Variants in GLRA3 observed in about 807,000 individuals in gnomAD.
The protein encoded by GLRA3 is glycine receptor alpha 3.
A neutral mutation model predicts 60.4 loss-of-function variants in GLRA3; 44 were observed. That is an observed-to-expected ratio of 0.73 (90% CI 0.57 to 0.94). The LOEUF (loss-of-function observed/expected upper bound fraction) is 0.94. Among genes scored for constraint, GLRA3 ranks in the 40% least tolerant of loss-of-function variants. The pLI, the probability that GLRA3 is intolerant of heterozygous loss-of-function variation, is 0.00. For synonymous variants in GLRA3, 223 were observed against 192.9 expected (o/e 1.16, Z -1.29); for missense variants, 508 against 564.6 (o/e 0.90, Z 1.02).
At chr4:174,813,111 A>G (rs1258194663) in intron 1 of GLRA3, among the ~76,000 whole-genome samples, 1 of 152,190 alleles carries the variant, frequency 6.6e-6, no homozygotes, top group African/African-American at 2.4e-5. Context: ...CTTCATGCTC[A>G]TATATAGAAG....
intron 5 of GLRA3, among the ~76,000 whole-genome samples, chr4:174,699,867 A>ATTTATAAAAAAT (rs1735236119): frequency 6.6e-6 from 1 of 151,228 alleles, no homozygotes; most frequent in Non-Finnish European, 1.5e-5. Flanking sequence ...TTAATTATTT[A>ATTTATAAAAAAT]ATTAATACTT....
At chr4:174,781,112 A>G (rs950145704) in intron 2 of GLRA3, among the ~76,000 whole-genome samples, 1 of 152,064 alleles carries the variant, frequency 6.6e-6, no homozygotes, top group African/African-American at 2.4e-5. Context: ...ATAACAAACT[A>G]TCTCTCAGAC....
chr4:174,786,112 T>A, intron 2 of GLRA3, among the ~76,000 whole-genome samples: 1 of 152,030 alleles, frequency 6.6e-6, no homozygotes. Context: ...AATTTTAATA[T>A]ATATTACTGA....
At chr4:174,825,594 A>G (rs1165109470) in intron 1 of GLRA3, among the ~76,000 whole-genome samples, 2 of 152,110 alleles carry the variant, frequency 1.3e-5, no homozygotes, top group Non-Finnish European at 2.9e-5. Flanking sequence ...CAAGCTCTTC[A>G]TAATCATCAC....
chr4:174,659,368 A>G (rs1733346446), intron 7 of GLRA3, among the ~76,000 whole-genome samples, 171 bp from the exon 8 acceptor site: 1 of 152,158 alleles, frequency 6.6e-6, no homozygotes, highest in South Asian at 2.1e-4. Context: ...TGTAAATTTT[A>G]TGTATTATGA....
chr4:174,790,825 C>CAAAAAAAAAAAAAAAAA (rs751090125), intron 1 of GLRA3, among the ~76,000 whole-genome samples: 1 of 65,100 alleles, frequency 1.5e-5, no homozygotes, highest in Non-Finnish European at 2.6e-5. Context: ...CTAAAAAATA[C>CAAAAAAAAAAAAAAAAA]AAAAAAAAAA....
At chr4:174,677,017 T>C (rs1363008658) in intron 7 of GLRA3, 61 bp downstream of exon 7, 6 of 1,019,312 alleles carry the variant, frequency 5.9e-6, no homozygotes, top group Non-Finnish European at 9.2e-6. Flanking sequence ...CTGACAATGA[T>C]ATCTTTGCAA....
At position 174,780,997 on chromosome 4, in the gene GLRA3, T is replaced by A. The variant is rs1292246225; in HGVS notation, c.199+7819A>T. 3.9e-5 allele frequency among the ~76,000 whole-genome samples: 6 copies of A among 152,094 alleles called. 1 individual carries two copies. Among genetic ancestry groups the A allele is most frequent in the Non-Finnish European group, 7.4e-5 (5 of 68,026 alleles). On this transcript the variant is annotated intron_variant, in intron 2 of 9. Coordinates refer to ENST00000274093, the MANE Select transcript of GLRA3 (RefSeq NM_006529.4). ...CATCTATAGAACTCTCCACCCCAAA[T>A]CAACAGAATATACATTTTTTTCAGC...
intron 5 of GLRA3, among the ~76,000 whole-genome samples, chr4:174,685,770 C>T (rs1734533567): frequency 6.6e-6 from 1 of 151,832 alleles, no homozygotes; most frequent in African/African-American, 2.4e-5. Context: ...TTAAGGATAG[C>T]AAAATAGGCA....
chr4:174,744,841 A>C (rs1287195138), intron 3 of GLRA3, among the ~76,000 whole-genome samples: 3 of 152,212 alleles, frequency 2.0e-5, no homozygotes, highest in Non-Finnish European at 4.4e-5. Flanking sequence ...AAGGAATTCA[A>C]AATTATGATA....
intron 2 of GLRA3, among the ~76,000 whole-genome samples, chr4:174,778,492 A>G (rs538970555): frequency 6.6e-6 from 1 of 152,322 alleles, no homozygotes; most frequent in East Asian, 1.9e-4. Context: ...CCGAATAGGA[A>G]CAGCTCCTGT....
At chr4:174,670,040 C>G (rs1179668978) in intron 7 of GLRA3, among the ~76,000 whole-genome samples, 3 of 152,182 alleles carry the variant, frequency 2.0e-5, no homozygotes, top group Non-Finnish European at 2.9e-5. Context: ...ACTCCCACTT[C>G]AGTAACTGGA....
At chr4:174,667,157 G>A (rs1343924166) in intron 7 of GLRA3, among the ~76,000 whole-genome samples, 2 of 152,032 alleles carry the variant, frequency 1.3e-5, no homozygotes, top group Non-Finnish European at 2.9e-5. Context: ...ACTGGTAGTG[G>A]CACAGGTTGT....
At chr4:174,685,294 G>C (rs1458271082) in intron 5 of GLRA3, among the ~76,000 whole-genome samples, 1 of 152,152 alleles carries the variant, frequency 6.6e-6, no homozygotes, top group Non-Finnish European at 1.5e-5. Context: ...ACTGGAGCCA[G>C]ATGCCCTACC....
chr4:174,828,926 C>A lies in GLRA3; in HGVS notation c.-115G>T. 1.3e-6 allele frequency: 1 copy of A among 761,018 alleles called. No homozygotes were observed. Among genetic ancestry groups the A allele is most frequent in the Non-Finnish European group, 2.3e-6 (1 of 429,784 alleles). 47.1% of individuals were successfully genotyped at this position (761,018 alleles called of 1,614,324 possible). A position where few individuals can be genotyped will look rare whatever the true frequency, so the allele number is the denominator to read the frequency against. On this transcript the variant is annotated 5_prime_UTR_variant, in exon 1 of 10. Transcript: ENST00000274093. ...CGCATGGTGTTGGTGTAGACTGATG[C>A]TTGGGAAGCTTCAGCACCTTAGACA... is the stretch of plus-strand genomic sequence containing the variant.
intron 1 of GLRA3, among the ~76,000 whole-genome samples, chr4:174,790,810 C>T (rs1303402133): frequency 8.1e-6 from 1 of 123,050 alleles, no homozygotes; most frequent in Non-Finnish European, 1.6e-5. Flanking sequence ...GAAACCGGGT[C>T]TCTACTAAAA....
chr4:174,805,375 A>C (rs1740001636), intron 1 of GLRA3, among the ~76,000 whole-genome samples: 1 of 152,080 alleles, frequency 6.6e-6, no homozygotes, highest in South Asian at 2.1e-4. Flanking sequence ...ATGCATTGTA[A>C]CTTCCATCTT....
intron 7 of GLRA3, among the ~76,000 whole-genome samples, chr4:174,665,237 C>CTTTTTTTTTTTTTT (rs34499494): frequency 1.6e-5 from 2 of 127,488 alleles, no homozygotes; most frequent in Non-Finnish European, 1.6e-5. Flanking sequence ...TTTGTATTTA[C>CTTTTTTTTTTTTTT]TTTTTTTTTT....
intron 8 of GLRA3, among the ~76,000 whole-genome samples, chr4:174,658,458 C>A (rs1733297849): frequency 6.6e-6 from 1 of 152,142 alleles, no homozygotes; most frequent in Admixed American, 6.6e-5. Flanking sequence ...CCTACGGTGT[C>A]TTCATGATGT....
Sources: allele counts gnomAD v4.1 joint callset (sites outside exome capture counted in the v4.1 genomes callset), GRCh38; gene constraint gnomAD v4.1.1; transcripts MANE v1.5; gene names NCBI Gene and HGNC (gene_info 2026-07-23, HGNC 2026-07-21).